Variants in ADCY2 observed in about 807,000 individuals in gnomAD.
ADCY2 encodes adenylate cyclase 2, also known as adenylate cyclase type 2.
A neutral mutation model predicts 125.2 loss-of-function variants in ADCY2; 31 were observed. The observed-to-expected ratio is 0.25, with a 90% CI of 0.19 to 0.33. ADCY2 has a LOEUF of 0.33. ADCY2 is among the 10% of genes least tolerant of loss of function. The probability of loss-of-function intolerance (pLI) is 1.00; values close to 1 mark genes in which losing one functional copy is unlikely to be tolerated. For missense variants in ADCY2, 904 were observed against 1,418.2 expected (o/e 0.64, Z 5.82); for synonymous variants, 512 against 548.4 (o/e 0.93, Z 0.93).
At chr5:7,507,434 C>T (rs1325824250) in intron 2 of ADCY2, among the ~76,000 whole-genome samples, 1 of 85,036 alleles carries the variant, frequency 1.2e-5, no homozygotes, top group Non-Finnish European at 2.6e-5. Flanking sequence ...GAGCGAGACT[C>T]CGTCTCAAAA....
Position 7,707,750 on chromosome 5 carries a change from C to T in ADCY2, c.1313C>T (p.Ala438Val). The change falls in exon 9 of 25, where the codon GCT becomes GTT. Residue 438 changes from alanine (A) to valine (V), a missense_variant. By Grantham distance (64) the Ala-to-Val change is moderately conservative. This residue lies in a region of ADCY2 where 144 missense variants were observed against 227.7 expected (regional missense o/e 0.63). Coordinates refer to ENST00000338316, the MANE Select transcript of ADCY2 (RefSeq NM_020546.3). ...GTCACCCTGGAGCACTTGAATGGCG[C>T]TTATAAAGTGGAGGAGGGAGATGGT... is the stretch of plus-strand genomic sequence containing the variant. ...SSVTLEHLNG[A>V]YKVEEGDGDI... is the part of the protein sequence containing the mutation. The T allele has an allele frequency of 6.2e-7, 1 of 1,613,972 alleles. No individual in the cohort carries two copies. Among genetic ancestry groups the T allele is most frequent in the Non-Finnish European group, 8.5e-7 (1 of 1,179,952 alleles).
chr5:7,822,685 A>T (rs1303943021), intron 24 of ADCY2, among the ~76,000 whole-genome samples: 1 of 152,062 alleles, frequency 6.6e-6, no homozygotes, highest in Non-Finnish European at 1.5e-5. Context: ...AAGGGCTGGG[A>T]TCTGCAAGTG....
chr5:7,774,143 C>T (rs534614114), intron 18 of ADCY2, among the ~76,000 whole-genome samples: 3 of 152,318 alleles, frequency 2.0e-5, no homozygotes, highest in African/African-American at 4.8e-5. Flanking sequence ...GTGTTAGGAA[C>T]GGCAGTTATC....
intron 4 of ADCY2, among the ~76,000 whole-genome samples, chr5:7,680,160 C>T (rs780436161): frequency 2.2e-4 from 33 of 152,138 alleles, no homozygotes; most frequent in Non-Finnish European, 3.7e-4. Context: ...GACTGTTACC[C>T]CCCAGGAAAC....
At chr5:7,609,904 A>G (rs973939742) in intron 3 of ADCY2, among the ~76,000 whole-genome samples, 3 of 152,208 alleles carry the variant, frequency 2.0e-5, no homozygotes, top group African/African-American at 7.2e-5. Flanking sequence ...GGAGAGAGCC[A>G]GGCATGAGAT....
chr5:7,645,388 GGAAAA>G (rs1422297233), intron 4 of ADCY2, among the ~76,000 whole-genome samples: 1 of 152,100 alleles, frequency 6.6e-6, no homozygotes, highest in Non-Finnish European at 1.5e-5. Flanking sequence ...CAAAGTCCTT[GGAAAA>G]GAAAGCTGGC....
In ADCY2 at chr5:7,787,323, A is replaced by T. The variant is rs1744114466; in HGVS notation, c.2470-2319A>T. Among the ~76,000 whole-genome samples the T allele has an allele frequency of 1.3e-5, 2 of 152,174 alleles. 1 individual carries two copies. The highest frequency in any genetic ancestry group is 4.1e-4 in the South Asian group (2 of 4,828). On this transcript the variant is annotated intron_variant, in intron 19 of 24. Transcript: ENST00000338316. ...GCCTCCCGCCATGTCTCTGAGTCAA[A>T]TCCCCCCTCCTTTCTCTTGTAAGCA...
chr5:7,418,718 C>T (rs1172434808), intron 2 of ADCY2, among the ~76,000 whole-genome samples: 2 of 128,028 alleles, frequency 1.6e-5, no homozygotes, highest in Non-Finnish European at 1.5e-5. Flanking sequence ...TGCAGTCGTG[C>T]GATCTCGGCT....
intron 3 of ADCY2, among the ~76,000 whole-genome samples, chr5:7,597,197 C>T (rs1737034287): frequency 6.6e-6 from 1 of 152,202 alleles, no homozygotes; most frequent in Non-Finnish European, 1.5e-5. Context: ...TGGCTTATGC[C>T]TGAAGGCAGG....
chr5:7,673,257 A>ATATATAT (rs1284363963), intron 4 of ADCY2, among the ~76,000 whole-genome samples: 3 of 11,976 alleles, frequency 2.5e-4, no homozygotes, highest in East Asian at 3.8e-3. Flanking sequence ...AAAAAAAAAA[A>ATATATAT]AAAAAAAAAA....
At chr5:7,793,406 G>A (rs748170234) in intron 20 of ADCY2, among the ~76,000 whole-genome samples, 1 of 152,202 alleles carries the variant, frequency 6.6e-6, no homozygotes, top group East Asian at 1.9e-4. Context: ...AGCCGAGATC[G>A]TGCCTTTGCA....
At chr5:7,620,298 A>G (rs1737912450) in intron 3 of ADCY2, among the ~76,000 whole-genome samples, 1 of 152,248 alleles carries the variant, frequency 6.6e-6, no homozygotes, top group African/African-American at 2.4e-5. Flanking sequence ...ATGGGAAATC[A>G]AATTGCATTT....
At chr5:7,591,692 C>G (rs1211768687) in intron 3 of ADCY2, among the ~76,000 whole-genome samples, 2 of 152,130 alleles carry the variant, frequency 1.3e-5, no homozygotes, top group Non-Finnish European at 2.9e-5. Flanking sequence ...GCCCTCAAAC[C>G]AGGAGAGCCA....
At chr5:7,558,033 T>C (rs1224077968) in intron 3 of ADCY2, among the ~76,000 whole-genome samples, 1 of 150,976 alleles carries the variant, frequency 6.6e-6, no homozygotes, top group African/African-American at 2.4e-5. Flanking sequence ...ATCTGTTGTT[T>C]TGTTTTGTTT....
At chr5:7,457,416 T>C (rs981461477) in intron 2 of ADCY2, among the ~76,000 whole-genome samples, 1 of 152,156 alleles carries the variant, frequency 6.6e-6, no homozygotes. Flanking sequence ...CTGTCCCATC[T>C]GTGGCCTTTC....
chr5:7,479,102 T>C (rs1218427163), intron 2 of ADCY2, among the ~76,000 whole-genome samples: 1 of 152,170 alleles, frequency 6.6e-6, no homozygotes, highest in Non-Finnish European at 1.5e-5. Flanking sequence ...CCTTGGAATC[T>C]AAAGTAGATT....
intron 20 of ADCY2, chr5:7,794,288 G>A (rs1302388645): frequency 6.6e-6 from 1 of 152,158 alleles, no homozygotes; most frequent in Non-Finnish European, 1.5e-5. Context: ...GAGCAATGGG[G>A]GTGATGGCTA....
At chr5:7,578,896 T>G (rs1190677156) in intron 3 of ADCY2, among the ~76,000 whole-genome samples, 1 of 152,016 alleles carries the variant, frequency 6.6e-6, no homozygotes, top group Non-Finnish European at 1.5e-5. Flanking sequence ...CTAGTTTGAG[T>G]AATGGGAACC....
chr5:7,780,892 C>G (rs1315784484), intron 18 of ADCY2, among the ~76,000 whole-genome samples: 1 of 152,168 alleles, frequency 6.6e-6, no homozygotes, highest in Admixed American at 6.5e-5. Flanking sequence ...CTTTTGGACT[C>G]CTGAAACTTG....
Sources: allele counts gnomAD v4.1 joint callset (sites outside exome capture counted in the v4.1 genomes callset), GRCh38; gene constraint gnomAD v4.1.1; regional missense constraint gnomAD v4.1.1; transcripts MANE v1.5; gene names NCBI Gene and HGNC (gene_info 2026-07-23, HGNC 2026-07-21).